Variants in MUC12 observed in about 807,000 individuals in gnomAD.
MUC12 encodes mucin-12.
In MUC12, 172 loss-of-function variants were observed where a neutral mutation model predicts 230.8. The ratio of observed to expected loss-of-function variants is 0.75; its 90% CI spans 0.66 to 0.85. MUC12 has a LOEUF of 0.85. MUC12 is among the 40% of genes least tolerant of loss of function. The pLI is 0.00. For missense variants in MUC12, 3,506 were observed against 5,920.6 expected, an observed-to-expected ratio of 0.59 and a Z score of 13.38; for synonymous variants, 1,259 against 2,401.9, an observed-to-expected ratio of 0.52 and a Z score of 13.91.
chr7:100,992,722 G>C lies in MUC12; in HGVS notation c.2159G>C (p.Ser720Thr), dbSNP rs1354753544. 6.5e-7 allele frequency: 1 copy of C among 1,535,926 alleles called. No homozygotes were observed. The highest frequency in any genetic ancestry group is 8.7e-7 in the Non-Finnish European group (1 of 1,146,600). Residue 720 changes from serine to threonine, a missense_variant, in exon 2 of 12, where the codon AGC becomes ACC. By Grantham distance (58) the Ser-to-Thr change is moderately conservative. Coordinates refer to ENST00000536621, the MANE Select transcript of MUC12 (RefSeq NM_001164462.2). Reference protein sequence around the residue: ...RGEESTTSHSSTTHTISSAPS... With the variant: ...RGEESTTSHSTTTHTISSAPS... ...GAAGAATCAACAACTTCCCACAGCA[G>C]CACAACACACACAATATCTTCAGCT... is the stretch of plus-strand genomic sequence containing the variant.
chr7:101,004,636 T>C lies in MUC12; in HGVS notation c.14073T>C (p.Asp4691=), dbSNP rs889609844. Residue 4691 remains aspartate (D), a synonymous_variant, in exon 2 of 12, where the codon GAT becomes GAC. Transcript: ENST00000536621. ...EESTASHSSP[D]TNGITPLPAH... ...CAACAGCATCCCACAGCAGCCCAGA[T>C]ACAAATGGAATCACACCCTTACCTG... is the stretch of plus-strand genomic sequence containing the variant. The C allele has an allele frequency of 5.9e-6, 9 of 1,537,098 alleles. No homozygotes were observed. In the African/African-American group the frequency reaches 6.9e-5, roughly 12 times the overall value.
At position 101,004,348 on chromosome 7, in the gene MUC12, C is replaced by T; in HGVS notation, c.13785C>T (p.Thr4595=). The T allele has an allele frequency of 2.2e-6, 3 of 1,377,058 alleles. No individual in the cohort carries two copies. Among genetic ancestry groups the T allele is most frequent in the Non-Finnish European group, 2.9e-6 (3 of 1,039,738 alleles). 85.3% of individuals were successfully genotyped at this position (1,377,058 alleles called of 1,614,324 possible). Residue 4595 remains threonine (T), a synonymous_variant, in exon 2 of 12, where the codon ACC becomes ACT. Coordinates refer to ENST00000536621, the MANE Select transcript of MUC12 (RefSeq NM_001164462.2). ...CACCCTCGCCTGCCCGCTCCACAAC[C>T]TCAGGCCTCGTTGAAGAATCTACGG... ...ATTPSPARST[T]SGLVEESTAY...
At chr7:101,018,555 G>C (rs1340081911) in intron 11 of MUC12, 40 bp from the exon 12 acceptor site, 6 of 1,534,010 alleles carry the variant, frequency 3.9e-6, no homozygotes, top group Non-Finnish European at 5.2e-6. Flanking sequence ...CCTTTCCCGG[G>C]TCTGCCCCTT....
At chr7:101,010,430 G>A (rs907992392) in intron 5 of MUC12, among the ~76,000 whole-genome samples, 5 of 152,098 alleles carry the variant, frequency 3.3e-5, no homozygotes, top group South Asian at 2.1e-4. Flanking sequence ...TCAACCTCTC[G>A]GGTTCAAGCA....
At chr7:101,006,997 C>T (rs1793764141) in intron 3 of MUC12, among the ~76,000 whole-genome samples, 1 of 152,172 alleles carries the variant, frequency 6.6e-6, no homozygotes, top group South Asian at 2.1e-4. Flanking sequence ...CTCGCTCTGT[C>T]TCCCAGGCTG....
At position 100,992,239 on chromosome 7, in the gene MUC12, C is replaced by A; in HGVS notation, c.1676C>A (p.Thr559Lys). 2.6e-6 allele frequency: 4 copies of A among 1,537,276 alleles called. No homozygotes were observed. The highest frequency in any genetic ancestry group is 2.6e-6 in the Non-Finnish European group (3 of 1,146,518). The change falls in exon 2 of 12, where the codon ACA becomes AAA. Residue 559 changes from threonine to lysine, a missense_variant. Physicochemically the swap from Thr to Lys is moderately conservative, Grantham distance 78. Coordinates refer to ENST00000536621, the MANE Select transcript of MUC12 (RefSeq NM_001164462.2). ...STASHSSPGP[T>K]DTTLSPGSTT... ...GCTTCCCACAGCAGCCCAGGCCCCA[C>A]AGACACAACATTGTCCCCTGGCAGT...
In MUC12 at chr7:100,991,831, A is replaced by C; in HGVS notation, c.1268A>C (p.His423Pro). The change falls in exon 2 of 12, where the codon CAC becomes CCC. Residue 423 changes from histidine to proline, a missense_variant. By Grantham distance (77) the His-to-Pro change is moderately conservative. Transcript: ENST00000536621. ...HSSLGSTETT[H>P]FRDSSTISGR... is the part of the protein sequence containing the mutation. ...AGCCTGGGCTCAACTGAAACAACAC[A>C]CTTCCGTGATAGCTCCACAATCTCA... 1 of 1,537,522 alleles carries C rather than the reference A, an allele frequency of 6.5e-7. No homozygotes were observed. The highest frequency in any genetic ancestry group is 8.7e-7 in the Non-Finnish European group (1 of 1,146,820).
chr7:100,985,956 C>T (rs1444140972), intron 1 of MUC12, among the ~76,000 whole-genome samples: 1 of 152,166 alleles, frequency 6.6e-6, no homozygotes, highest in Middle Eastern at 3.2e-3. Flanking sequence ...GCCCCACCTC[C>T]ACCTTGGCAG....
rs1166634507 is a variant in MUC12 at position 101,010,875 on chromosome 7, C to T, written c.15252-1421C>T. Among the ~76,000 whole-genome samples, 5 of 152,068 alleles carry T rather than the reference C, an allele frequency of 3.3e-5. No individual in the cohort carries two copies. The South Asian group carries it at 6.2e-4, about 19-fold the overall frequency. ...ATGTTGCCCGGGCTGGTCTCAAACT[C>T]CTGGGTTCAAGTGATCCTCCCGCCT... On this transcript the variant is annotated intron_variant, in intron 5 of 11. Coordinates refer to ENST00000536621, the MANE Select transcript of MUC12 (RefSeq NM_001164462.2).
chr7:101,005,018 G>C lies in MUC12; in HGVS notation c.14455G>C (p.Ala4819Pro). 6.5e-7 allele frequency: 1 copy of C among 1,537,582 alleles called. No individual in the cohort carries two copies. Among genetic ancestry groups the C allele is most frequent in the Non-Finnish European group, 8.7e-7 (1 of 1,147,002 alleles). ...SPGSITTSSF[A>P]QEFTTPHSQP... Reference sequence around the variant, plus strand: ...TGGCAGCATCACAACTTCATCTTTTGCTCAAGAATTTACCACCCCTCATAG... The same window carrying C: ...TGGCAGCATCACAACTTCATCTTTTCCTCAAGAATTTACCACCCCTCATAG... The change falls in exon 2 of 12, where the codon GCT becomes CCT. Residue 4819 changes from alanine to proline, a missense_variant. Transcript: ENST00000536621.
Position 101,007,963 on chromosome 7 carries a change from AT to A in MUC12, c.15059-657del, listed in dbSNP as rs71517131. 9.1e-3 allele frequency among the ~76,000 whole-genome samples: 1,261 copies of A among 138,506 alleles called. 5 individuals carry two copies. Among genetic ancestry groups the A allele is most frequent in the East Asian group, 0.013 (63 of 4,724 alleles). 90.9% of individuals were successfully genotyped at this position (138,506 alleles called of 152,430 possible). A position where few individuals can be genotyped will look rare whatever the true frequency, so the allele number is the denominator to read the frequency against. On this transcript the variant is annotated intron_variant, in intron 3 of 11. Coordinates refer to ENST00000536621, the MANE Select transcript of MUC12 (RefSeq NM_001164462.2). ...CAGGTGCCCGTCACCATGCCTGGCT[AT>A]TTTTTTTTTTTTTGTATTTTTAGTA...
At position 101,006,396 on chromosome 7, in the gene MUC12, G is replaced by T. The variant is rs116250133; in HGVS notation, c.14957-75G>T. 2,031 of 962,766 alleles carry T rather than the reference G, an allele frequency of 2.1e-3. 28 individuals are homozygous for T. The African/African-American group carries it at 0.03, about 14-fold the overall frequency. The allele number at this position is 962,766 out of a possible 1,614,324, so 59.6% of individuals were successfully genotyped here. A position where few individuals can be genotyped will look rare whatever the true frequency, so the allele number is the denominator to read the frequency against. On this transcript the variant is annotated intron_variant, in intron 2 of 11. Transcript: ENST00000536621. ...CTCTCCAGTGCGATGCTGAGTGACT[G>T]GACCTGGAATGGGAGTGCGTGTTTT...
At chr7:100,982,763 T>C (rs539870537) in intron 1 of MUC12, among the ~76,000 whole-genome samples, 2 of 152,104 alleles carry the variant, frequency 1.3e-5, no homozygotes, top group South Asian at 4.2e-4. Flanking sequence ...AGGGTCTTTC[T>C]CTGTTACCCA....
chr7:101,012,307 T>G lies in MUC12; in HGVS notation c.15263T>G (p.Ile5088Ser). 1 of 1,537,142 alleles carries G rather than the reference T, an allele frequency of 6.5e-7. No individual in the cohort carries two copies. Among genetic ancestry groups the G allele is most frequent in the South Asian group, 1.2e-5 (1 of 84,012 alleles). Residue 5088 changes from isoleucine (I) to serine (S), a missense_variant, in exon 6 of 12, where the codon ATC becomes AGC. Physicochemically the swap from Ile to Ser is moderately radical, Grantham distance 142 (BLOSUM62 -2). Transcript: ENST00000536621. ...ATTCCCACTTCCAGCAACGGTAGCA[T>G]CGTGGTCAAGAACGATGTCATCCTG... ...VNIRRLLNGS[I>S]VVKNDVILEA...
At position 101,004,457 on chromosome 7, in the gene MUC12, A is replaced by T. The variant is rs1466855675; in HGVS notation, c.13894A>T (p.Thr4632Ser). 1 of 1,526,448 alleles carries T rather than the reference A, an allele frequency of 6.6e-7. No homozygotes were observed. The highest frequency in any genetic ancestry group is 2.5e-5 in the East Asian group (1 of 40,428). 94.6% of individuals were successfully genotyped at this position (1,526,448 alleles called of 1,614,324 possible). A position where few individuals can be genotyped will look rare whatever the true frequency, so the allele number is the denominator to read the frequency against. ...TTCAGGTCGTAGTGAAGAATCAAGA[A>T]CTTCCCACAGCAGCACAACACACAC... ...TASGRSEESR[T>S]SHSSTTHTIS... is the part of the protein sequence containing the mutation. The change falls in exon 2 of 12, where the codon ACT becomes TCT. Residue 4632 changes from threonine (T) to serine (S), a missense_variant. Thr to Ser is a moderately conservative substitution (Grantham distance 58). Transcript: ENST00000536621.
chr7:101,010,805 G>A (rs1449565521), intron 5 of MUC12, among the ~76,000 whole-genome samples: 1 of 151,978 alleles, frequency 6.6e-6, no homozygotes, highest in Non-Finnish European at 1.5e-5. Context: ...GTAAGCCACT[G>A]CCCCAGCCTA....
rs376513428 is a variant in MUC12, at chr7:100,995,581, C to G, written c.5018C>G (p.Thr1673Arg). 8.8e-4 allele frequency: 1,348 copies of G among 1,536,920 alleles called. 27 individuals carry two copies. The African/African-American group carries it at 0.017, about 20-fold the overall frequency. Residue 1673 changes from threonine (T) to arginine (R), a missense_variant, in exon 2 of 12, where the codon ACA (threonine) becomes AGA (arginine). Thr to Arg is a moderately conservative substitution (Grantham distance 71). Transcript: ENST00000536621. The stretch of plus-strand genomic sequence containing the variant: ...AGCAGCACTGGATCGCCACACACAA[C>G]ACTGTCCCCTGCCGGCTCTACAACA... Reference protein sequence around the residue: ...VHSSTGSPHTTLSPAGSTTRQ... With the variant: ...VHSSTGSPHTRLSPAGSTTRQ...
intron 1 of MUC12, among the ~76,000 whole-genome samples, chr7:100,981,064 T>C (rs1258011096): frequency 1.3e-5 from 2 of 152,270 alleles, no homozygotes; most frequent in Non-Finnish European, 2.9e-5. Context: ...GATGGACGTC[T>C]ATCTTTGACT....
Position 100,991,418 on chromosome 7 carries a change from G to T in MUC12, c.855G>T (p.Lys285Asn). ...CCTTCCAGAGCTGGCCAAGCTCAAA[G>T]GACACTTCGCCTGCACCTTCTGGTA... The part of the protein sequence containing the change: ...PTTFQSWPSS[K>N]DTSPAPSGTT... The change falls in exon 2 of 12, where the codon AAG becomes AAT. Residue 285 changes from lysine to asparagine, a missense_variant. Physicochemically the swap from Lys to Asn is moderately conservative, Grantham distance 94 (BLOSUM62 0). Coordinates refer to ENST00000536621, the MANE Select transcript of MUC12 (RefSeq NM_001164462.2). The T allele has an allele frequency of 1.3e-6, 2 of 1,537,734 alleles. No individual in the cohort carries two copies. The highest frequency in any genetic ancestry group is 1.7e-6 in the Non-Finnish European group (2 of 1,147,028).
Sources: gnomAD v4.1 joint callset for allele counts (sites outside exome capture counted in the v4.1 genomes callset) on GRCh38, gnomAD v4.1.1 for gene constraint, MANE v1.5 for transcripts, NCBI Gene and HGNC (gene_info 2026-07-23, HGNC 2026-07-21) for gene names.